TENM4: variants seen among roughly 807,000 people sequenced by gnomAD.
The protein encoded by TENM4 is teneurin-4.
In TENM4, 82 loss-of-function variants were observed where a neutral mutation model predicts 243.3. The observed-to-expected ratio is 0.34, with a 90% CI of 0.28 to 0.40. The LOEUF (loss-of-function observed/expected upper bound fraction) is 0.40. TENM4 is among the 10% of genes least tolerant of loss of function. The pLI is 1.00. For missense variants in TENM4, 3,138 were observed against 3,673.3 expected (o/e 0.85, Z 3.77); for synonymous variants, 1,412 against 1,456.3 (o/e 0.97, Z 0.69).
At chr11:79,170,379 A>G (rs1412759091) in intron 3 of TENM4, among the ~76,000 whole-genome samples, 1 of 152,210 alleles carries the variant, frequency 6.6e-6, no homozygotes, top group East Asian at 1.9e-4. Context: ...GAGAGGTGTT[A>G]TAGGTCAAAC....
chr11:79,282,462 C>G (rs1371112052), intron 2 of TENM4, among the ~76,000 whole-genome samples: 1 of 152,204 alleles, frequency 6.6e-6, no homozygotes, highest in African/African-American at 2.4e-5. Flanking sequence ...TTCAGGGACT[C>G]ACATCATTAT....
At chr11:78,946,060 T>C (rs1248357487) in intron 6 of TENM4, among the ~76,000 whole-genome samples, 3 of 152,222 alleles carry the variant, frequency 2.0e-5, no homozygotes, top group Admixed American at 1.3e-4. Context: ...TTGATGAAGG[T>C]GGCTACACTA....
intron 1 of TENM4, among the ~76,000 whole-genome samples, chr11:79,389,631 T>C (rs1246715739): frequency 1.3e-5 from 2 of 152,212 alleles, no homozygotes; most frequent in Non-Finnish European, 2.9e-5. Flanking sequence ...GAACTAAGAA[T>C]GGTTTTTACA....
chr11:79,434,217 G>GTTGA (rs760493580), intron 1 of TENM4, among the ~76,000 whole-genome samples: 10 of 152,192 alleles, frequency 6.6e-5, no homozygotes, highest in Non-Finnish European at 1.2e-4. Flanking sequence ...ATGTAGGCAT[G>GTTGA]TTGATTGATT....
chr11:78,770,934 C>A, intron 18 of TENM4, 58 bp downstream of exon 18: 1 of 1,545,420 alleles, frequency 6.5e-7, no homozygotes. Flanking sequence ...ATCCATTCTC[C>A]ACTCTGGGCC....
intron 9 of TENM4, among the ~76,000 whole-genome samples, chr11:78,866,857 G>C (rs875314): frequency 0.016 from 2,454 of 152,294 alleles, 43 homozygotes; most frequent in African/African-American, 0.055. Context: ...ACCCAACCAA[G>C]GTTGGGCTGA....
At chr11:79,424,127 C>G (rs546944646) in intron 1 of TENM4, among the ~76,000 whole-genome samples, 1 of 152,326 alleles carries the variant, frequency 6.6e-6, no homozygotes, top group East Asian at 1.9e-4. Context: ...TGGCTTCCAA[C>G]CAGGGACGGA....
chr11:79,356,809 A>G (rs1857504642), intron 1 of TENM4, among the ~76,000 whole-genome samples: 1 of 152,178 alleles, frequency 6.6e-6, no homozygotes, highest in South Asian at 2.1e-4. Context: ...ATCTAATAGA[A>G]TAATGCCATT....
At chr11:78,668,862 C>G in intron 32 of TENM4, 75 bp downstream of exon 32, 1 of 1,505,100 alleles carries the variant, frequency 6.6e-7, no homozygotes, top group Non-Finnish European at 8.9e-7. Context: ...CCAGCTTTCT[C>G]AAAGAAGACT....
intron 16 of TENM4, among the ~76,000 whole-genome samples, chr11:78,780,042 A>G (rs143046367): frequency 6.9e-4 from 105 of 152,298 alleles, no homozygotes; most frequent in African/African-American, 2.3e-3. Flanking sequence ...GGAAGAGGAA[A>G]TTTTAACTGA....
chr11:78,853,816 T>C (rs1858604898), intron 12 of TENM4, among the ~76,000 whole-genome samples: 1 of 152,228 alleles, frequency 6.6e-6, no homozygotes, highest in South Asian at 2.1e-4. Flanking sequence ...TCTGTGTGGC[T>C]TGTCCAGGAT....
At chr11:78,836,887 G>T (rs1340746478) in intron 12 of TENM4, among the ~76,000 whole-genome samples, 1 of 152,170 alleles carries the variant, frequency 6.6e-6, no homozygotes, top group Non-Finnish European at 1.5e-5. Flanking sequence ...ATGCATACAG[G>T]TGTGTAACAG....
chr11:78,943,684 T>C (rs966407218), intron 6 of TENM4, among the ~76,000 whole-genome samples: 10 of 152,190 alleles, frequency 6.6e-5, no homozygotes, highest in Non-Finnish European at 1.0e-4. Context: ...GACAACCTGT[T>C]TGAAAATCTT....
At chr11:78,703,227 C>T (rs771870718) in intron 27 of TENM4, among the ~76,000 whole-genome samples, 4 of 152,144 alleles carry the variant, frequency 2.6e-5, no homozygotes, top group Admixed American at 1.3e-4. Flanking sequence ...TGGATCCTTG[C>T]TCCTTATGTG....
intron 6 of TENM4, among the ~76,000 whole-genome samples, chr11:79,003,778 C>T (rs1858399379): frequency 6.6e-6 from 1 of 152,150 alleles, no homozygotes; most frequent in Middle Eastern, 3.4e-3. Flanking sequence ...AAAGTGACAA[C>T]ACAATAAAGT....
chr11:79,185,309 T>A lies in TENM4; in HGVS notation c.-163+30499A>T, dbSNP rs865907074. On this transcript the variant is annotated intron_variant, in intron 3 of 33. Coordinates refer to ENST00000278550, the MANE Select transcript of TENM4 (RefSeq NM_001098816.3). Reference sequence around the variant, plus strand: ...AGCGAGTCCCTGTCTCACAAAAAACTACAACAACAACAACAACAACAAAAA... The same window carrying A: ...AGCGAGTCCCTGTCTCACAAAAAACAACAACAACAACAACAACAACAAAAA... 6.0e-5 allele frequency among the ~76,000 whole-genome samples: 9 copies of A among 150,892 alleles called. No individual in the cohort carries two copies. In the South Asian group the frequency reaches 6.3e-4, roughly 11 times the overall value.
intron 12 of TENM4, among the ~76,000 whole-genome samples, chr11:78,818,096 A>C (rs549554156): frequency 6.6e-6 from 1 of 152,262 alleles, no homozygotes; most frequent in African/African-American, 2.4e-5. Flanking sequence ...GGAGGGTCTC[A>C]ATAAATATTT....
At chr11:79,043,550 T>G (rs2136910932) in intron 6 of TENM4, among the ~76,000 whole-genome samples, 1 of 152,328 alleles carries the variant, frequency 6.6e-6, no homozygotes. Flanking sequence ...TAAACTCTGT[T>G]AAGCCACTCA....
chr11:78,783,189 G>A (rs772665376), intron 16 of TENM4, among the ~76,000 whole-genome samples: 1 of 152,106 alleles, frequency 6.6e-6, no homozygotes, highest in Non-Finnish European at 1.5e-5. Flanking sequence ...ATTTAACTAC[G>A]ATTTTCAGCT....
Sources: allele counts gnomAD v4.1 joint callset (sites outside exome capture counted in the v4.1 genomes callset), GRCh38; gene constraint gnomAD v4.1.1; transcripts MANE v1.5; gene names NCBI Gene and HGNC (gene_info 2026-07-23, HGNC 2026-07-21).